SPATA13: variants seen among roughly 807,000 people sequenced by gnomAD.
SPATA13 encodes the protein spermatogenesis associated 13, also known as spermatogenesis-associated protein 13.
SPATA13 carries 50 observed loss-of-function variants against 104.0 expected under a neutral mutation model. The observed-to-expected ratio is 0.48, with a 90% CI of 0.38 to 0.61. The LOEUF (loss-of-function observed/expected upper bound fraction) is 0.61. Among genes scored for constraint, SPATA13 ranks in the 20% least tolerant of loss-of-function variants. The pLI, the probability that SPATA13 is intolerant of heterozygous loss-of-function variation, is 0.00. For missense variants in SPATA13, 1,524 were observed against 1,690.6 expected, an observed-to-expected ratio of 0.90 and a Z score of 1.73; for synonymous variants, 606 against 667.5, an observed-to-expected ratio of 0.91 and a Z score of 1.42.
intron 9 of SPATA13, among the ~76,000 whole-genome samples, chr13:24,293,656 T>A (rs1223530924): frequency 6.6e-6 from 1 of 152,260 alleles, no homozygotes; most frequent in Non-Finnish European, 1.5e-5. Context: ...AAACTTATTT[T>A]GCGACCCTTT....
chr13:24,127,470 TAGTCTA>T (rs1881257141), intron 3 of SPATA13, among the ~76,000 whole-genome samples: 3 of 152,274 alleles, frequency 2.0e-5, no homozygotes, highest in Middle Eastern at 3.4e-3. Context: ...CCCCCGTAGG[TAGTCTA>T]CTGAGAACAG....
intron 3 of SPATA13, among the ~76,000 whole-genome samples, chr13:24,136,649 GATGTTCAC>G (rs1881580807): frequency 2.6e-5 from 4 of 152,180 alleles, no homozygotes; most frequent in Admixed American, 1.3e-4. Context: ...TTGGGGCCAC[GATGTTCAC>G]CAACGTTGTG....
rs113591985 is a variant in SPATA13, at chr13:24,168,849, A to T, written c.-112+7917A>T. Among the ~76,000 whole-genome samples the T allele has an allele frequency of 3.7e-3, 559 of 152,300 alleles. 1 individual carries two copies. Among genetic ancestry groups the T allele is most frequent in the African/African-American group, 0.013 (543 of 41,554 alleles). ...GTTAAAATCCATTTTAATTTTAAAA[A>T]TTTGAAGTTAAATAATTCAAAATAT... On this transcript the variant is annotated intron_variant, in intron 1 of 12. Coordinates refer to ENST00000382108, the MANE Select transcript of SPATA13 (RefSeq NM_001166271.3).
intron 3 of SPATA13, among the ~76,000 whole-genome samples, chr13:24,101,799 A>G (rs1353994611): frequency 3.9e-5 from 6 of 152,234 alleles, no homozygotes; most frequent in African/African-American, 1.4e-4. Flanking sequence ...GTGCTGTGGT[A>G]TATGACAAAA....
intron 3 of SPATA13, among the ~76,000 whole-genome samples, chr13:24,029,496 A>G (rs1208551153): frequency 6.6e-6 from 1 of 152,250 alleles, no homozygotes; most frequent in East Asian, 1.9e-4. Flanking sequence ...CAATTAAACA[A>G]TAAAAAAATT....
intron 3 of SPATA13, among the ~76,000 whole-genome samples, chr13:24,047,333 A>G (rs1878187104): frequency 6.6e-6 from 1 of 152,244 alleles, no homozygotes; most frequent in Non-Finnish European, 1.5e-5. Context: ...AAGCCAGAGA[A>G]CAGTGGCTGG....
intron 4 of SPATA13, among the ~76,000 whole-genome samples, chr13:24,263,588 C>T (rs76286419): frequency 0.034 from 5,138 of 152,302 alleles, 130 homozygotes; most frequent in Non-Finnish European, 0.05. Flanking sequence ...TTTAAATCAC[C>T]TCTAGATTAC....
At chr13:24,170,863 A>G (rs1193980964) in intron 1 of SPATA13, among the ~76,000 whole-genome samples, 1 of 152,060 alleles carries the variant, frequency 6.6e-6, no homozygotes, top group Admixed American at 6.5e-5. Context: ...CGAAAAGTAT[A>G]GGTTTATATG....
In SPATA13 at chr13:24,270,709, G is replaced by A. The variant is rs866932692; in HGVS notation, c.2165-13426G>A. 3.1e-5 allele frequency: 46 copies of A among 1,502,302 alleles called. 1 individual carries two copies. The Middle Eastern group carries it at 3.8e-3, about 125-fold the overall frequency. 93.1% of individuals were successfully genotyped at this position (1,502,302 alleles called of 1,614,324 possible). ...GTCAGTTTCTGGGCAGGCTCTGGCC[G>A]GGAACGCATACAACGTCAAAGCAGT... On this transcript the variant is annotated intron_variant, in intron 4 of 12. Coordinates refer to ENST00000382108, the MANE Select transcript of SPATA13 (RefSeq NM_001166271.3).
intron 3 of SPATA13, among the ~76,000 whole-genome samples, chr13:24,101,714 A>G (rs548269567): frequency 3.9e-5 from 6 of 152,292 alleles, no homozygotes; most frequent in African/African-American, 4.8e-5. Flanking sequence ...ACGCACCTAT[A>G]TAAGTGGAAT....
At chr13:23,988,001 T>G (rs1367434938) in intron 2 of SPATA13, among the ~76,000 whole-genome samples, 1 of 151,814 alleles carries the variant, frequency 6.6e-6, no homozygotes, top group African/African-American at 2.4e-5. Context: ...TGGAGTGCAG[T>G]GGCACTGTCA....
At position 24,223,948 on chromosome 13, in the gene SPATA13, G is replaced by C; in HGVS notation, c.1019G>C (p.Gly340Ala). 6.4e-7 allele frequency: 1 copy of C among 1,550,454 alleles called. No individual in the cohort carries two copies. Among genetic ancestry groups the C allele is most frequent in the South Asian group, 1.2e-5 (1 of 83,990 alleles). Residue 340 changes from glycine to alanine, a missense_variant, in exon 2 of 13, where the codon GGG becomes GCG. Gly to Ala is a moderately conservative substitution (Grantham distance 60). Coordinates refer to ENST00000382108, the MANE Select transcript of SPATA13 (RefSeq NM_001166271.3). ...TGGAGGAGGGAGAGTCCTAGGAGTG[G>C]GGCCCCATCCCCTGGAGAGGCCAGC... is the stretch of plus-strand genomic sequence containing the variant. ...AAWRRESPRS[G>A]APSPGEASLR...
intron 3 of SPATA13, among the ~76,000 whole-genome samples, chr13:24,063,297 T>A (rs1878841288): frequency 6.6e-6 from 1 of 152,222 alleles, no homozygotes; most frequent in Admixed American, 6.5e-5. Flanking sequence ...TCTGATTTTT[T>A]AATTGACAAA....
chr13:24,240,865 T>G (rs1293070155), intron 2 of SPATA13, among the ~76,000 whole-genome samples: 1 of 152,234 alleles, frequency 6.6e-6, no homozygotes, highest in African/African-American at 2.4e-5. Context: ...ATCACCACCA[T>G]GCTCCTCTCC....
intron 3 of SPATA13, among the ~76,000 whole-genome samples, chr13:24,042,529 C>T (rs919591708): frequency 3.3e-5 from 5 of 152,210 alleles, no homozygotes; most frequent in Admixed American, 6.5e-5. Flanking sequence ...CGTCCACCAC[C>T]GTGGACTAAC....
chr13:24,151,064 C>G (rs1882087084), intron 3 of SPATA13, among the ~76,000 whole-genome samples: 1 of 152,188 alleles, frequency 6.6e-6, no homozygotes, highest in Non-Finnish European at 1.5e-5. Context: ...TGCGAAGATT[C>G]ATAATCCTCA....
intron 3 of SPATA13, among the ~76,000 whole-genome samples, chr13:24,131,092 T>A (rs1192710164): frequency 1.3e-5 from 2 of 152,246 alleles, no homozygotes. Flanking sequence ...GAGATTTTCA[T>A]ATAAGCTTGA....
At chr13:24,298,129 G>T (rs1352284382) in intron 11 of SPATA13, among the ~76,000 whole-genome samples, 1 of 152,144 alleles carries the variant, frequency 6.6e-6, no homozygotes, top group African/African-American at 2.4e-5. Flanking sequence ...GATGCCACAT[G>T]CAGGGTATGA....
At chr13:24,072,212 A>G (rs1360812602) in intron 3 of SPATA13, among the ~76,000 whole-genome samples, 3 of 152,296 alleles carry the variant, frequency 2.0e-5, no homozygotes, top group East Asian at 1.9e-4. Flanking sequence ...AGAACAAACA[A>G]TGTAGAATCA....
Sources: allele counts gnomAD v4.1 joint callset (sites outside exome capture counted in the v4.1 genomes callset), GRCh38; gene constraint gnomAD v4.1.1; transcripts MANE v1.5; gene names NCBI Gene and HGNC (gene_info 2026-07-23, HGNC 2026-07-21).